MORC3: variants seen among roughly 807,000 people sequenced by gnomAD.
MORC3 encodes MORC family CW-type zinc finger protein 3.
MORC3 carries 31 observed loss-of-function variants against 109.1 expected under a neutral mutation model. That is an observed-to-expected ratio of 0.28 (90% CI 0.21 to 0.38). The LOEUF (loss-of-function observed/expected upper bound fraction) is 0.38, where lower values mean the gene tolerates loss of function less well. Among genes scored for constraint, MORC3 ranks in the 10% least tolerant of loss-of-function variants. The pLI, the probability that MORC3 is intolerant of heterozygous loss-of-function variation, is 1.00. For synonymous variants in MORC3, 395 were observed against 380.7 expected (o/e 1.04, Z -0.44); for missense variants, 867 against 1,135.8 (o/e 0.76, Z 3.40).
At position 36,369,681 on chromosome 21, in the gene MORC3, T is replaced by G. The variant is rs200154274; in HGVS notation, c.2313T>G (p.Ser771=). 1.1e-5 allele frequency: 18 copies of G among 1,614,166 alleles called. No individual in the cohort carries two copies. The East Asian group carries it at 4.0e-4, about 36-fold the overall frequency. ...GKSESPDHMV[S]QYQQALEEIE... is the part of the protein sequence containing the mutation. ...CTGAAAGTCCAGACCATATGGTATC[T>G]CAGTATCAGCAAGCTTTGGAAGAAA... is the stretch of plus-strand genomic sequence containing the variant. Residue 771 remains serine (S), a synonymous_variant, in exon 15 of 17, where the codon TCT becomes TCG. Coordinates refer to ENST00000400485, the MANE Select transcript of MORC3 (RefSeq NM_015358.3).
intron 16 of MORC3, 101 bp from the exon 17 acceptor site, chr21:36,375,042 A>G: frequency 8.2e-7 from 1 of 1,224,580 alleles, no homozygotes; most frequent in Non-Finnish European, 1.1e-6. Context: ...TTAATTGTAT[A>G]TTATTCTACG....
chr21:36,369,221 C>A lies in MORC3; in HGVS notation c.1853C>A (p.Pro618His). ...GTTGAGTTTGTGGGTGACAGTGAAC[C>A]TTGTGGCCAGACTGGTTCAACAAGC... Reference protein sequence around the residue: ...VQVEFVGDSEPCGQTGSTSTS... With the variant: ...VQVEFVGDSEHCGQTGSTSTS... Residue 618 changes from proline to histidine, a missense_variant, in exon 15 of 17, where the codon CCT becomes CAT. Coordinates refer to ENST00000400485, the MANE Select transcript of MORC3 (RefSeq NM_015358.3). 1 of 1,614,092 alleles carries A rather than the reference C, an allele frequency of 6.2e-7. No individual in the cohort carries two copies. The highest frequency in any genetic ancestry group is 8.5e-7 in the Non-Finnish European group (1 of 1,180,032).
chr21:36,322,708 CG>C (rs1198682638), intron 1 of MORC3, among the ~76,000 whole-genome samples: 1 of 152,046 alleles, frequency 6.6e-6, no homozygotes, highest in Non-Finnish European at 1.5e-5. Flanking sequence ...TTTAGGAGGT[CG>C]GAGATCCCAG....
At chr21:36,322,516 C>T (rs1009241789) in intron 1 of MORC3, among the ~76,000 whole-genome samples, 3 of 152,020 alleles carry the variant, frequency 2.0e-5, no homozygotes, top group Admixed American at 2.0e-4. Context: ...GGTTTACACG[C>T]GTGGGCCACC....
intron 14 of MORC3, among the ~76,000 whole-genome samples, 180 bp downstream of exon 14, chr21:36,364,439 C>T (rs2085755137): frequency 6.6e-6 from 1 of 152,182 alleles, no homozygotes; most frequent in African/African-American, 2.4e-5. Flanking sequence ...TTAGGCTAAA[C>T]CCTACTTCTG....
In MORC3 at chr21:36,333,704, T is replaced by C; in HGVS notation, c.98T>C (p.Val33Ala). Reference protein sequence around the residue: ...STSHTWPFSAVAELIDNAYDP... With the variant: ...STSHTWPFSAAAELIDNAYDP... ...AGTCACACCTGGCCATTCAGTGCAG[T>C]TGCTGAATTAATAGGTATGTAGTTT... Residue 33 changes from valine to alanine, a missense_variant, in exon 2 of 17, where the codon GTT (valine) becomes GCT (alanine). Val to Ala is a moderately conservative substitution (Grantham distance 64, BLOSUM62 0). Around this residue, in one of 7 missense-constraint regions of MORC3, gnomAD observed 53 missense variants for 130.3 expected, o/e 0.41. Transcript: ENST00000400485. The C allele has an allele frequency of 6.2e-7, 1 of 1,611,526 alleles. No homozygotes were observed. Among genetic ancestry groups the C allele is most frequent in the African/African-American group, 1.3e-5 (1 of 75,000 alleles).
At chr21:36,361,972 G>A (rs2085722220) in intron 12 of MORC3, 2 of 607,458 alleles carry the variant, frequency 3.3e-6, no homozygotes, top group South Asian at 4.0e-5. Flanking sequence ...CCAAAGATCT[G>A]CAGTTTATAC....
chr21:36,321,945 G>T (rs974730516), intron 1 of MORC3, among the ~76,000 whole-genome samples: 5 of 152,200 alleles, frequency 3.3e-5, no homozygotes, highest in Non-Finnish European at 7.3e-5. Context: ...CGGGCACTCT[G>T]GGTGTAGCTG....
chr21:36,327,040 CTT>C (rs1385806649), intron 1 of MORC3, among the ~76,000 whole-genome samples: 3 of 151,554 alleles, frequency 2.0e-5, no homozygotes, highest in Non-Finnish European at 4.4e-5. Context: ...GTCTTGAACT[CTT>C]GACCTCAGGT....
chr21:36,354,531 C>T (rs2085623180), intron 9 of MORC3, among the ~76,000 whole-genome samples: 2 of 151,946 alleles, frequency 1.3e-5, no homozygotes, highest in Non-Finnish European at 2.9e-5. Context: ...TCTTGAACTC[C>T]TGACCTTGTG....
intron 6 of MORC3, among the ~76,000 whole-genome samples, chr21:36,343,245 G>A (rs1437324747): frequency 6.0e-5 from 9 of 149,402 alleles, no homozygotes; most frequent in African/African-American, 9.9e-5. Flanking sequence ...ACAGGCATGC[G>A]CCACCATGCC....
At position 36,353,755 on chromosome 21, in the gene MORC3, A is replaced by ATTTTTTTTTTTTTTTTTTTTTTT. The variant is rs1202729285; in HGVS notation, c.1104-2843_1104-2842insTTTTTTTTTTTTTTTTTTTTTTT. Among the ~76,000 whole-genome samples, 13 of 71,004 alleles carry ATTTTTTTTTTTTTTTTTTTTTTT rather than the reference A, an allele frequency of 1.8e-4. 3 individuals carry two copies. The highest frequency in any genetic ancestry group is 8.0e-4 in the African/African-American group (12 of 14,934). The allele number at this position is 71,004 out of a possible 152,430, so 46.6% of individuals were successfully genotyped here. On this transcript the variant is annotated intron_variant, in intron 9 of 16. Transcript: ENST00000400485. ...GCCACCAAGCCCGGCTAATTTTTGT[A>ATTTTTTTTTTTTTTTTTTTTTTT]TTTTTTTTTTTTTTTTTTTTTTAGT... is the stretch of plus-strand genomic sequence containing the variant.
In MORC3 at chr21:36,369,079, G is replaced by A. The variant is rs1231580289; in HGVS notation, c.1711G>A (p.Asp571Asn). 1 of 1,610,692 alleles carries A rather than the reference G, an allele frequency of 6.2e-7. No individual in the cohort carries two copies. The highest frequency in any genetic ancestry group is 1.7e-5 in the Admixed American group (1 of 59,888). The change falls in exon 15 of 17, where the codon GAT (aspartate) becomes AAT (asparagine). Residue 571 changes from aspartate to asparagine, a missense_variant. By Grantham distance (23) the Asp-to-Asn change is conservative (BLOSUM62 1). This residue lies in a region of MORC3 where 486 missense variants were observed against 502.1 expected (regional missense o/e 0.97). Coordinates refer to ENST00000400485, the MANE Select transcript of MORC3 (RefSeq NM_015358.3). ...GTTTGAAAATTCAGTTTATAAAGGTGATGATGATGATGAAGATGTCATCAT... is the reference window on the plus strand; with the variant it reads ...GTTTGAAAATTCAGTTTATAAAGGTAATGATGATGATGAAGATGTCATCAT... ...SQFENSVYKG[D>N]DDDEDVIILE... is the part of the protein sequence containing the mutation.
intron 15 of MORC3, among the ~76,000 whole-genome samples, 186 bp from the exon 16 acceptor site, chr21:36,372,188 A>ATC (rs1293032757): frequency 1.3e-5 from 2 of 152,036 alleles, no homozygotes; most frequent in Non-Finnish European, 2.9e-5. Flanking sequence ...GTGTAAAAAG[A>ATC]TGTAGAAGTG....
intron 10 of MORC3, among the ~76,000 whole-genome samples, 155 bp from the exon 11 acceptor site, chr21:36,359,800 C>T (rs117236004): frequency 0.025 from 3,766 of 152,210 alleles, 67 homozygotes; most frequent in Admixed American, 0.046. Flanking sequence ...TAGGCATGAG[C>T]CGTCGCACCC....
chr21:36,325,332 C>T (rs1224511475), intron 1 of MORC3, among the ~76,000 whole-genome samples: 2 of 152,174 alleles, frequency 1.3e-5, no homozygotes, highest in Admixed American at 6.5e-5. Context: ...AGGAATTCTA[C>T]GTCTGGTCTC....
chr21:36,358,759 A>G (rs1262948657), intron 10 of MORC3, among the ~76,000 whole-genome samples: 2 of 151,864 alleles, frequency 1.3e-5, no homozygotes, highest in African/African-American at 4.8e-5. Flanking sequence ...GGCTCACTGC[A>G]AGCTCTGCCT....
chr21:36,373,282 G>A (rs1032397998), intron 16 of MORC3, among the ~76,000 whole-genome samples: 2 of 152,068 alleles, frequency 1.3e-5, no homozygotes, highest in Non-Finnish European at 2.9e-5. Flanking sequence ...GGAGGTTGCA[G>A]TGAGCCGAGA....
intron 8 of MORC3, among the ~76,000 whole-genome samples, chr21:36,348,490 C>T (rs1187403695): frequency 6.6e-6 from 1 of 152,178 alleles, no homozygotes; most frequent in South Asian, 2.1e-4. Flanking sequence ...TCACTGCAAC[C>T]TCCGCCTGCC....
Sources: gnomAD v4.1 joint callset for allele counts (sites outside exome capture counted in the v4.1 genomes callset) on GRCh38, gnomAD v4.1.1 for gene constraint, gnomAD v4.1.1 regional missense constraint, MANE v1.5 for transcripts, NCBI Gene and HGNC (gene_info 2026-07-23, HGNC 2026-07-21) for gene names.